Variants in FAM168B observed in about 807,000 individuals in gnomAD.
FAM168B encodes the protein myelin-associated neurite-outgrowth inhibitor.
In FAM168B, 19 loss-of-function variants were observed where a neutral mutation model predicts 21.8. That is an observed-to-expected ratio of 0.87 (90% CI 0.61 to 1.28). FAM168B has a LOEUF of 1.28. Among genes scored for constraint, FAM168B ranks in the 50% most tolerant of loss-of-function variants. The probability of loss-of-function intolerance (pLI) is 0.00; values close to 1 mark genes in which losing one functional copy is unlikely to be tolerated. For missense variants in FAM168B, 233 were observed against 263.1 expected (o/e 0.89, Z 0.79); for synonymous variants, 126 against 104.8 (o/e 1.20, Z -1.24).
rs887701109 is a variant in FAM168B at position 131,048,771 on chromosome 2, T to A, written c.*3694A>T. ...CTGCCTTCCCCCAGGCCAACCACACTCTGCTTTAGAGACCCTCTCAGAAAG... is the reference window on the plus strand; with the variant it reads ...CTGCCTTCCCCCAGGCCAACCACACACTGCTTTAGAGACCCTCTCAGAAAG... On this transcript the variant is annotated 3_prime_UTR_variant, in exon 7 of 7. Coordinates refer to ENST00000389915, the MANE Select transcript of FAM168B (RefSeq NM_001009993.4). The A allele has an allele frequency of 1.6e-4, 161 of 986,554 alleles. No individual in the cohort carries two copies. The highest frequency in any genetic ancestry group is 1.8e-4 in the Non-Finnish European group (149 of 830,572). 61.1% of individuals were successfully genotyped at this position (986,554 alleles called of 1,614,324 possible).
chr2:131,052,542 C>T (rs1292184447), intron 6 of FAM168B, 90 bp from the exon 7 acceptor site: 21 of 1,006,478 alleles, frequency 2.1e-5, no homozygotes, highest in African/African-American at 3.5e-5. Context: ...CCAGCAGGGT[C>T]GGAAAGGGCA....
At chr2:131,058,232 G>A (rs1415054042) in intron 3 of FAM168B, among the ~76,000 whole-genome samples, 1 of 152,196 alleles carries the variant, frequency 6.6e-6, no homozygotes, top group African/African-American at 2.4e-5. Flanking sequence ...GGGTGCCAGT[G>A]CAATTCTGTG....
intron 3 of FAM168B, among the ~76,000 whole-genome samples, chr2:131,070,139 G>A (rs979266573): frequency 6.6e-6 from 1 of 152,126 alleles, no homozygotes; most frequent in African/African-American, 2.4e-5. Context: ...TTACAGACGT[G>A]AGCCACCGCG....
chr2:131,058,996 G>A (rs1337533849), intron 3 of FAM168B, among the ~76,000 whole-genome samples: 2 of 152,116 alleles, frequency 1.3e-5, no homozygotes, highest in Non-Finnish European at 1.5e-5. Context: ...GGAGACCCGG[G>A]ACAGTCCAAT....
In FAM168B at chr2:131,061,794, A is replaced by G. The variant is rs956246253; in HGVS notation, c.155-6099T>C. On this transcript the variant is annotated intron_variant, in intron 3 of 6. Transcript: ENST00000389915. ...GAGACCCTGTCTCGAAAAAAAAAAAAAAGAAGAAGAAGATGAATACAAAAT... is the reference window on the plus strand; with the variant it reads ...GAGACCCTGTCTCGAAAAAAAAAAAGAAGAAGAAGAAGATGAATACAAAAT... Among the ~76,000 whole-genome samples, 30 of 152,066 alleles carry G rather than the reference A, an allele frequency of 2.0e-4. 1 individual carries two copies. The highest frequency in any genetic ancestry group is 5.8e-4 in the African/African-American group (24 of 41,508).
intron 3 of FAM168B, among the ~76,000 whole-genome samples, chr2:131,066,411 G>A (rs951551343): frequency 9.9e-5 from 15 of 152,120 alleles, no homozygotes; most frequent in African/African-American, 3.4e-4. Flanking sequence ...TCCTGACCTC[G>A]TGATCCGTCC....
intron 3 of FAM168B, among the ~76,000 whole-genome samples, chr2:131,059,644 T>C (rs1692194943): frequency 6.6e-6 from 1 of 152,188 alleles, no homozygotes; most frequent in East Asian, 1.9e-4. Context: ...TGAGAACAGA[T>C]GCTAGACTTC....
rs562129278 is a variant in FAM168B at position 131,078,200 on chromosome 2, A to G, written c.70+4377T>C. Among the ~76,000 whole-genome samples the G allele has an allele frequency of 8.9e-4, 136 of 152,344 alleles. 1 individual carries two copies. The highest frequency in any genetic ancestry group is 3.0e-3 in the African/African-American group (124 of 41,580). On this transcript the variant is annotated intron_variant, in intron 2 of 6. Coordinates refer to ENST00000389915, the MANE Select transcript of FAM168B (RefSeq NM_001009993.4). ...CAGAACAAATGGACAATAAAAACTG[A>G]CGCACAGGTGATCCAGAGACTGCAG...
intron 2 of FAM168B, among the ~76,000 whole-genome samples, chr2:131,077,274 T>C (rs900571693): frequency 8.6e-5 from 13 of 151,302 alleles, no homozygotes; most frequent in African/African-American, 3.2e-4. Flanking sequence ...AGTGATTCCT[T>C]ACAAAGCGAA....
intron 3 of FAM168B, among the ~76,000 whole-genome samples, chr2:131,068,280 T>A (rs1295621092): frequency 6.6e-6 from 1 of 152,162 alleles, no homozygotes; most frequent in Admixed American, 6.5e-5. Context: ...TGCCTCAGCC[T>A]CCTGAACAGC....
At chr2:131,069,186 AAAT>A (rs1217194592) in intron 3 of FAM168B, among the ~76,000 whole-genome samples, 2 of 152,230 alleles carry the variant, frequency 1.3e-5, no homozygotes, top group African/African-American at 4.8e-5. Flanking sequence ...TCTTCTTGTA[AAAT>A]AAAAAAGTTG....
At chr2:131,070,478 G>T (rs1313383793) in intron 3 of FAM168B, among the ~76,000 whole-genome samples, 1 of 152,196 alleles carries the variant, frequency 6.6e-6, no homozygotes, top group Non-Finnish European at 1.5e-5. Context: ...CACTTTGGAA[G>T]ACAGTTTGGC....
At position 131,050,843 on chromosome 2, in the gene FAM168B, C is replaced by CA; in HGVS notation, c.*1621dup. ...CCTCCCCACCAGAGCCCACAGCACTCAAACCACCACTGCACTGGGAAGAAG... is the reference window on the plus strand; with the variant it reads ...CCTCCCCACCAGAGCCCACAGCACTCAAAACCACCACTGCACTGGGAAGAAG... On this transcript the variant is annotated 3_prime_UTR_variant, in exon 7 of 7. Coordinates refer to ENST00000389915, the MANE Select transcript of FAM168B (RefSeq NM_001009993.4). 1 of 985,472 alleles carries CA rather than the reference C, an allele frequency of 1.0e-6. No homozygotes were observed. The highest frequency in any genetic ancestry group is 4.7e-5 in the South Asian group (1 of 21,276). 61.0% of individuals were successfully genotyped at this position (985,472 alleles called of 1,614,324 possible).
chr2:131,049,599 G>T lies in FAM168B; in HGVS notation c.*2866C>A. ...CCTCCATGAGCAGAGAAACTGCAGC[G>T]GCTGAACACACTCCCCAAGCCTCAG... On this transcript the variant is annotated 3_prime_UTR_variant, in exon 7 of 7. Coordinates refer to ENST00000389915, the MANE Select transcript of FAM168B (RefSeq NM_001009993.4). 1 of 985,450 alleles carries T rather than the reference G, an allele frequency of 1.0e-6. No homozygotes were observed. Among genetic ancestry groups the T allele is most frequent in the Non-Finnish European group, 1.2e-6 (1 of 829,950 alleles). 61.0% of individuals were successfully genotyped at this position (985,450 alleles called of 1,614,324 possible).
At chr2:131,055,175 G>A in intron 5 of FAM168B, 97 bp downstream of exon 5, 1 of 1,217,890 alleles carries the variant, frequency 8.2e-7, no homozygotes, top group Non-Finnish European at 1.1e-6. Context: ...CTACAGCTAT[G>A]AAAACCTAGA....
chr2:131,063,362 G>A (rs539541482), intron 3 of FAM168B, among the ~76,000 whole-genome samples: 2 of 152,256 alleles, frequency 1.3e-5, no homozygotes, highest in South Asian at 2.1e-4. Flanking sequence ...GTGAGGCTAC[G>A]TTCTAATGCT....
At chr2:131,054,810 T>C (rs1691916809) in intron 5 of FAM168B, among the ~76,000 whole-genome samples, 1 of 152,188 alleles carries the variant, frequency 6.6e-6, no homozygotes, top group Non-Finnish European at 1.5e-5. Flanking sequence ...GGTAGATGAA[T>C]GCCAAAGGAT....
chr2:131,072,326 G>T (rs1331497257), intron 2 of FAM168B, among the ~76,000 whole-genome samples: 1 of 151,848 alleles, frequency 6.6e-6, no homozygotes, highest in Non-Finnish European at 1.5e-5. Flanking sequence ...GTTTCATCAC[G>T]TTAGCCAGGC....
intron 3 of FAM168B, among the ~76,000 whole-genome samples, chr2:131,062,777 A>G (rs1350604309): frequency 6.6e-6 from 1 of 152,192 alleles, no homozygotes; most frequent in East Asian, 1.9e-4. Flanking sequence ...CACCTACTTT[A>G]CAGGTAGGCG....
Sources: allele counts gnomAD v4.1 joint callset (sites outside exome capture counted in the v4.1 genomes callset), GRCh38; gene constraint gnomAD v4.1.1; transcripts MANE v1.5; gene names NCBI Gene and HGNC (gene_info 2026-07-23, HGNC 2026-07-21).